The following KIAA0586 variants were observed in gnomAD, a reference collection of about 807,000 sequenced individuals.
KIAA0586 encodes protein TALPID3.
A neutral mutation model predicts 169.8 loss-of-function variants in KIAA0586; 144 were observed. The ratio of observed to expected loss-of-function variants is 0.85; its 90% CI spans 0.74 to 0.97. The LOEUF (loss-of-function observed/expected upper bound fraction) is 0.97. KIAA0586 is among the 50% of genes least tolerant of loss of function. The probability of loss-of-function intolerance (pLI) is 0.00; values close to 1 mark genes in which losing one functional copy is unlikely to be tolerated. For missense variants in KIAA0586, 1,854 were observed against 1,823.0 expected (o/e 1.02, Z -0.31); for synonymous variants, 625 against 612.4 (o/e 1.02, Z -0.30).
intron 21 of KIAA0586, among the ~76,000 whole-genome samples, chr14:58,486,051 G>A (rs758241341): frequency 6.6e-6 from 1 of 152,162 alleles, no homozygotes; most frequent in Non-Finnish European, 1.5e-5. Flanking sequence ...GACCCAGGTA[G>A]TAAGTGTAGT....
chr14:58,512,476 A>C, intron 28 of KIAA0586, 46 bp from the exon 29 acceptor site: 2 of 1,041,574 alleles, frequency 1.9e-6, no homozygotes, highest in Non-Finnish European at 2.7e-6. Flanking sequence ...GATTTTTTTA[A>C]GTAACTAAAA....
upstream of KIAA0586, chr14:58,427,557 GT>G: frequency 1.3e-6 from 2 of 1,527,526 alleles, no homozygotes; most frequent in Non-Finnish European, 1.8e-6. Context: ...ATAAACCCCT[GT>G]TATGTCCGGA....
At position 58,498,926 on chromosome 14, in the gene KIAA0586, T is replaced by C; in HGVS notation, c.4134T>C (p.Pro1378=). ...NTQSLDQQCD[P]KPLSRQFDTV... ...AGTCTTTGGATCAACAATGTGATCC[T>C]AAACCATTATCTCGGCAATTTGACA... Residue 1378 remains proline, a synonymous_variant, in exon 27 of 31, where the codon CCT becomes CCC. Coordinates refer to ENST00000652326, the MANE Select transcript of KIAA0586 (RefSeq NM_001329943.3). 1 of 1,608,882 alleles carries C rather than the reference T, an allele frequency of 6.2e-7. No homozygotes were observed.
rs141771152 is a variant in KIAA0586 at position 58,482,614 on chromosome 14, A to G, written c.3046A>G (p.Thr1016Ala). ...KHFVNEALAE[T>A]IAVMLGDREA... Reference sequence around the variant, plus strand: ...TTTTGTTAACGAAGCTCTTGCTGAGACCATTGCTGTCATGCTGGGTGACAG... The same window carrying G: ...TTTTGTTAACGAAGCTCTTGCTGAGGCCATTGCTGTCATGCTGGGTGACAG... Residue 1016 changes from threonine to alanine, a missense_variant, in exon 21 of 31, where the codon ACC becomes GCC. Coordinates refer to ENST00000652326, the MANE Select transcript of KIAA0586 (RefSeq NM_001329943.3). The G allele has an allele frequency of 3.7e-6, 6 of 1,609,446 alleles. No individual in the cohort carries two copies. In the East Asian group the frequency reaches 1.3e-4, roughly 36 times the overall value.
chr14:58,484,460 T>C (rs78785682), intron 21 of KIAA0586, among the ~76,000 whole-genome samples: 1 of 152,096 alleles, frequency 6.6e-6, no homozygotes, highest in Non-Finnish European at 1.5e-5. Flanking sequence ...TGCCAAAGTT[T>C]TGTGGAAGAT....
intron 24 of KIAA0586, 131 bp downstream of exon 24, chr14:58,489,005 C>G: frequency 1.1e-6 from 1 of 905,822 alleles, no homozygotes; most frequent in African/African-American, 1.7e-5. Context: ...ATAGGGGACT[C>G]AATGCAATTT....
rs1488286525 is a variant in KIAA0586 at position 58,456,033 on chromosome 14, C to CA, written c.1254-669_1254-668insA. Among the ~76,000 whole-genome samples the CA allele has an allele frequency of 3.6e-3, 24 of 6,596 alleles. No individual in the cohort carries two copies. The Admixed American group carries it at 0.043, about 12-fold the overall frequency. The allele number at this position is 6,596 out of a possible 152,430, so 4.3% of individuals were successfully genotyped here. On this transcript the variant is annotated intron_variant, in intron 9 of 30. Coordinates refer to ENST00000652326, the MANE Select transcript of KIAA0586 (RefSeq NM_001329943.3). ...TGCTGAGATGTTAAACAATTGCCAC[C>CA]GTTTTTTGAAAAATGCCCTGGGGAT...
rs937178701 is a variant in KIAA0586, at chr14:58,460,131, A to C, written c.1884+61A>C. 6.0e-6 allele frequency: 6 copies of C among 993,832 alleles called. No homozygotes were observed. The African/African-American group carries it at 9.8e-5, about 16-fold the overall frequency. The allele number at this position is 993,832 out of a possible 1,614,324, so 61.6% of individuals were successfully genotyped here. A position where few individuals can be genotyped will look rare whatever the true frequency, so the allele number is the denominator to read the frequency against. ...GTGTTATAATTGATCATTTCCTTTAAGAGATAAATAATGAAGCGAATGTGA... is the reference window on the plus strand; with the variant it reads ...GTGTTATAATTGATCATTTCCTTTACGAGATAAATAATGAAGCGAATGTGA... On this transcript the variant is annotated intron_variant, in intron 13 of 30. Coordinates refer to ENST00000652326, the MANE Select transcript of KIAA0586 (RefSeq NM_001329943.3).
At chr14:58,526,222 G>A (rs2045575446) in intron 29 of KIAA0586, among the ~76,000 whole-genome samples, 1 of 152,194 alleles carries the variant, frequency 6.6e-6, no homozygotes. Flanking sequence ...GGGACAGACT[G>A]CCTCCTCAAG....
intron 14 of KIAA0586, among the ~76,000 whole-genome samples, chr14:58,462,535 G>A (rs2040413969): frequency 6.6e-6 from 1 of 152,240 alleles, no homozygotes; most frequent in South Asian, 2.1e-4. Context: ...TTACAGGCGT[G>A]AGCCACTGTG....
At chr14:58,554,882 G>A (rs1304888029), downstream of KIAA0586, among the ~76,000 whole-genome samples, 1 of 152,176 alleles carries the variant, frequency 6.6e-6, no homozygotes, top group Non-Finnish European at 1.5e-5. Flanking sequence ...GATTGGGACA[G>A]CTTTTGTTTC....
intron 29 of KIAA0586, 31 bp from the exon 30 acceptor site, chr14:58,540,040 T>C (rs1294779820): frequency 7.3e-7 from 1 of 1,361,062 alleles, no homozygotes; most frequent in Admixed American, 2.1e-5. Context: ...GCTTAACTGA[T>C]TTTCTTCTGA....
At chr14:58,465,493 G>A (rs1298589425) in intron 14 of KIAA0586, among the ~76,000 whole-genome samples, 2 of 152,040 alleles carry the variant, frequency 1.3e-5, no homozygotes, top group Non-Finnish European at 2.9e-5. Context: ...GTCTATTCAG[G>A]GGCTGGCAAC....
intron 14 of KIAA0586, among the ~76,000 whole-genome samples, chr14:58,462,576 A>T (rs1036080946): frequency 1.3e-5 from 2 of 152,204 alleles, no homozygotes; most frequent in Non-Finnish European, 2.9e-5. Context: ...CTATTAATTT[A>T]TATGGGGGGT....
intron 16 of KIAA0586, among the ~76,000 whole-genome samples, chr14:58,468,180 G>T (rs1595233356): frequency 6.6e-6 from 1 of 152,168 alleles, no homozygotes; most frequent in East Asian, 1.9e-4. Flanking sequence ...TGAGTAGCTG[G>T]GATTACAGGC....
intron 20 of KIAA0586, among the ~76,000 whole-genome samples, chr14:58,480,572 C>A (rs1288159365): frequency 2.0e-5 from 3 of 152,106 alleles, no homozygotes; most frequent in Non-Finnish European, 4.4e-5. Context: ...TTGATGCTCC[C>A]CTGGCATCTC....
chr14:58,432,749 C>T (rs2037483209), intron 4 of KIAA0586, among the ~76,000 whole-genome samples: 1 of 152,114 alleles, frequency 6.6e-6, no homozygotes, highest in Admixed American at 6.5e-5. Flanking sequence ...GAGATGGAGT[C>T]TCGCGTCGCC....
downstream of KIAA0586, among the ~76,000 whole-genome samples, chr14:58,556,056 G>T (rs1023665500): frequency 1.3e-5 from 2 of 152,156 alleles, no homozygotes; most frequent in Non-Finnish European, 2.9e-5. Context: ...ATTTTTAGTA[G>T]TTTTAGTGTC....
chr14:58,457,872 A>T lies in KIAA0586; in HGVS notation c.1476A>T (p.Arg492Ser). 6.2e-7 allele frequency: 1 copy of T among 1,607,724 alleles called. No individual in the cohort carries two copies. The highest frequency in any genetic ancestry group is 1.3e-5 in the African/African-American group (1 of 74,986). ...SVLKDAEKIL[R>S]GVQNNKKVLE... ...TGAAAGATGCTGAGAAGATTTTGAG[A>T]GGAGTACAAAACAATAAAAAAGTAC... Residue 492 changes from arginine (R) to serine (S), a missense_variant, in exon 11 of 31, where the codon AGA becomes AGT. Coordinates refer to ENST00000652326, the MANE Select transcript of KIAA0586 (RefSeq NM_001329943.3).
Sources: gnomAD v4.1 joint callset for allele counts (sites outside exome capture counted in the v4.1 genomes callset) on GRCh38, gnomAD v4.1.1 for gene constraint, MANE v1.5 for transcripts, NCBI Gene and HGNC (gene_info 2026-07-23, HGNC 2026-07-21) for gene names.